Variants in PIK3AP1 observed in about 807,000 individuals in gnomAD.
PIK3AP1 encodes phosphoinositide 3-kinase adapter protein 1.
In PIK3AP1, 21 loss-of-function variants were observed where a neutral mutation model predicts 88.1. That is an observed-to-expected ratio of 0.24 (90% confidence interval 0.17 to 0.34). PIK3AP1 has a LOEUF of 0.34. Among genes scored for constraint, PIK3AP1 ranks in the 10% least tolerant of loss-of-function variants. The pLI is 1.00. For synonymous variants in PIK3AP1, 398 were observed against 400.0 expected (o/e 1.00, Z 0.06); for missense variants, 828 against 1,035.7 (o/e 0.80, Z 2.75).
intron 11 of PIK3AP1, among the ~76,000 whole-genome samples, chr10:96,622,158 G>A (rs959430183): frequency 1.3e-5 from 2 of 152,254 alleles, no homozygotes; most frequent in African/African-American, 4.8e-5. Context: ...TCCTGACACA[G>A]GCCCAACAGC....
chr10:96,694,539 C>CTT (rs34190226), intron 2 of PIK3AP1, among the ~76,000 whole-genome samples: 31 of 107,590 alleles, frequency 2.9e-4, no homozygotes, highest in Non-Finnish European at 3.9e-4. Flanking sequence ...TCCTTTCTTT[C>CTT]TTTTTTTTTT....
chr10:96,595,812 G>A (rs867234959), intron 16 of PIK3AP1, among the ~76,000 whole-genome samples, 178 bp from the exon 17 acceptor site: 5 of 152,210 alleles, frequency 3.3e-5, no homozygotes, highest in South Asian at 4.1e-4. Flanking sequence ...CAATCCTGGC[G>A]GCACATTAGA....
chr10:96,643,374 C>A (rs1373323047), intron 8 of PIK3AP1, among the ~76,000 whole-genome samples: 1 of 152,158 alleles, frequency 6.6e-6, no homozygotes, highest in Non-Finnish European at 1.5e-5. Context: ...ATGTTCAGCC[C>A]CTCTGTGCCT....
chr10:96,636,433 C>T (rs1363882813), intron 8 of PIK3AP1, among the ~76,000 whole-genome samples: 1 of 151,728 alleles, frequency 6.6e-6, no homozygotes, highest in Non-Finnish European at 1.5e-5. Flanking sequence ...GTGATAAAAC[C>T]CTCTCAGGCT....
At chr10:96,643,256 T>G (rs1843415832) in intron 8 of PIK3AP1, among the ~76,000 whole-genome samples, 1 of 152,204 alleles carries the variant, frequency 6.6e-6, no homozygotes, top group Admixed American at 6.5e-5. Context: ...GAACCACGAC[T>G]AAAATGCATG....
At chr10:96,618,699 T>C (rs924001423) in intron 12 of PIK3AP1, 3 of 152,298 alleles carry the variant, frequency 2.0e-5, no homozygotes, top group African/African-American at 4.8e-5. Flanking sequence ...TCCCCTTTCA[T>C]ATGAGGCACA....
chr10:96,628,891 T>TATAG (rs1564961247), intron 8 of PIK3AP1, among the ~76,000 whole-genome samples: 3 of 36,182 alleles, frequency 8.3e-5, no homozygotes, highest in Non-Finnish European at 9.9e-5. Flanking sequence ...TATATATACA[T>TATAG]ATATATATAT....
chr10:96,697,590 A>G (rs1312393936), intron 2 of PIK3AP1, among the ~76,000 whole-genome samples: 1 of 152,222 alleles, frequency 6.6e-6, no homozygotes, highest in Admixed American at 6.5e-5. Flanking sequence ...TTAGCCGGGC[A>G]TGATGGTGCA....
intron 10 of PIK3AP1, 89 bp from the exon 11 acceptor site, chr10:96,623,626 C>A (rs772759653): frequency 2.7e-6 from 3 of 1,122,666 alleles, no homozygotes; most frequent in Non-Finnish European, 3.9e-6. Context: ...CTAGGACCAC[C>A]GTATGTGGTT....
chr10:96,636,635 A>C (rs1843316761), intron 8 of PIK3AP1, among the ~76,000 whole-genome samples: 1 of 152,212 alleles, frequency 6.6e-6, no homozygotes, highest in African/African-American at 2.4e-5. Flanking sequence ...ATGACTTGCA[A>C]ATTAAAAATA....
At chr10:96,630,896 C>CT (rs1269538711) in intron 8 of PIK3AP1, among the ~76,000 whole-genome samples, 1 of 152,144 alleles carries the variant, frequency 6.6e-6, no homozygotes, top group Non-Finnish European at 1.5e-5. Context: ...GTGTGCCCTG[C>CT]TAAGAGCAGG....
At chr10:96,617,051 C>G (rs528747067) in intron 12 of PIK3AP1, among the ~76,000 whole-genome samples, 89 of 152,356 alleles carry the variant, frequency 5.8e-4, no homozygotes, top group African/African-American at 2.1e-3. Flanking sequence ...GTTCTCACAT[C>G]ACTCCCCTGA....
intron 2 of PIK3AP1, among the ~76,000 whole-genome samples, chr10:96,696,105 T>C (rs1408823263): frequency 1.3e-5 from 2 of 152,048 alleles, no homozygotes; most frequent in Non-Finnish European, 2.9e-5. Flanking sequence ...GTCCCAAGAG[T>C]TAGGAAAATG....
Position 96,603,671 on chromosome 10 carries a change from T to TACAC in PIK3AP1, c.2241+304_2241+307dup, listed in dbSNP as rs10528215. ...GATTGTGTGAGTTAATACTACTTAA[T>TACAC]ACACACACACACACACACACACACA... is the stretch of plus-strand genomic sequence containing the variant. On this transcript the variant is annotated intron_variant, in intron 15 of 16. Coordinates refer to ENST00000339364, the MANE Select transcript of PIK3AP1 (RefSeq NM_152309.3). 1.1e-3 allele frequency: 173 copies of TACAC among 163,134 alleles called. 1 individual carries two copies. Among genetic ancestry groups the TACAC allele is most frequent in the African/African-American group, 4.0e-3 (161 of 40,128 alleles). The allele number at this position is 163,134 out of a possible 1,614,324, so 10.1% of individuals were successfully genotyped here.
intron 2 of PIK3AP1, among the ~76,000 whole-genome samples, chr10:96,678,131 T>A (rs1843950431): frequency 6.6e-6 from 1 of 151,642 alleles, no homozygotes; most frequent in South Asian, 2.1e-4. Context: ...ATCCAGCTAA[T>A]TTAAATTAAA....
chr10:96,626,802 G>A lies in PIK3AP1; in HGVS notation c.1575C>T (p.Asp525=), dbSNP rs763350035. Residue 525 remains aspartate, a synonymous_variant, in exon 10 of 17, where the codon GAC becomes GAT. Coordinates refer to ENST00000339364, the MANE Select transcript of PIK3AP1 (RefSeq NM_152309.3). ...TVDDDEAFSV[D]LASRPPVPVP... is the part of the protein sequence containing the mutation. ...CTGGGACAGGGGGCCTGCTGGCCAG[G>A]TCCACAGAAAAGGCCTCATCGTCAT... is the stretch of plus-strand genomic sequence containing the variant. The A allele has an allele frequency of 1.2e-6, 2 of 1,614,200 alleles. No individual in the cohort carries two copies. Among genetic ancestry groups the A allele is most frequent in the Non-Finnish European group, 1.7e-6 (2 of 1,180,008 alleles).
chr10:96,675,563 A>G (rs185133659), intron 2 of PIK3AP1, among the ~76,000 whole-genome samples: 3 of 152,268 alleles, frequency 2.0e-5, no homozygotes, highest in Admixed American at 2.0e-4. Flanking sequence ...GCATATTCTC[A>G]TGGCCACCAC....
At chr10:96,627,502 C>T (rs775537254) in intron 9 of PIK3AP1, among the ~76,000 whole-genome samples, 3 of 152,194 alleles carry the variant, frequency 2.0e-5, no homozygotes, top group Non-Finnish European at 2.9e-5. Flanking sequence ...TCCAATAAAA[C>T]TTTATTTATA....
intron 13 of PIK3AP1, among the ~76,000 whole-genome samples, chr10:96,612,976 ATATATATTTTTTTTTTTTTTTTTTT>A (rs1849147362): frequency 1.0e-4 from 6 of 59,636 alleles, no homozygotes; most frequent in African/African-American, 4.4e-4. Flanking sequence ...ATATATATAT[ATATATATTTTTTTTTTTTTTTTTTT>A]TTTTTTTTTT....
Sources: gnomAD v4.1 joint callset for allele counts (sites outside exome capture counted in the v4.1 genomes callset) on GRCh38, gnomAD v4.1.1 for gene constraint, MANE v1.5 for transcripts, NCBI Gene and HGNC (gene_info 2026-07-23, HGNC 2026-07-21) for gene names.